The following HMCN1 variants were observed in gnomAD, a reference collection of about 807,000 sequenced individuals.
HMCN1 encodes the protein hemicentin-1.
In HMCN1, 321 loss-of-function variants were observed where a neutral mutation model predicts 625.9. The observed-to-expected ratio is 0.51, with a 90% CI of 0.47 to 0.56. HMCN1 has a LOEUF of 0.56. HMCN1 is among the 20% of genes least tolerant of loss of function. HMCN1 has a pLI of 0.00. For synonymous variants in HMCN1, 2,425 were observed against 2,417.6 expected (o/e 1.00, Z -0.09); for missense variants, 6,588 against 6,887.3 (o/e 0.96, Z 1.54).
intron 64 of HMCN1, among the ~76,000 whole-genome samples, chr1:186,091,938 G>A (rs369140760): frequency 6.6e-6 from 1 of 151,750 alleles, no homozygotes; most frequent in African/African-American, 2.4e-5. Flanking sequence ...TATTTCTCTG[G>A]TGTGAACATT....
intron 42 of HMCN1, among the ~76,000 whole-genome samples, chr1:186,051,901 G>A (rs766143457): frequency 5.3e-5 from 8 of 151,898 alleles, no homozygotes; most frequent in Non-Finnish European, 8.8e-5. Context: ...AGTTGTCAGA[G>A]GCCTAAACTT....
At chr1:186,028,798 C>A (rs1465138265) in intron 36 of HMCN1, among the ~76,000 whole-genome samples, 1 of 149,530 alleles carries the variant, frequency 6.7e-6, no homozygotes, top group Non-Finnish European at 1.5e-5. Flanking sequence ...GATCTTGGCT[C>A]ACTGCAACTT....
At chr1:186,016,333 T>A in intron 32 of HMCN1, 94 bp downstream of exon 32, 1 of 1,237,582 alleles carries the variant, frequency 8.1e-7, no homozygotes, top group South Asian at 1.4e-5. Flanking sequence ...AATAAAACAA[T>A]CTAAAAGAAG....
At chr1:185,908,711 T>A (rs1666240362) in intron 4 of HMCN1, among the ~76,000 whole-genome samples, 1 of 151,714 alleles carries the variant, frequency 6.6e-6, no homozygotes, top group Non-Finnish European at 1.5e-5. Flanking sequence ...ATTTTTCTAT[T>A]CTCTTTAATG....
intron 8 of HMCN1, 92 bp downstream of exon 8, chr1:185,923,745 T>A: frequency 9.3e-7 from 1 of 1,073,862 alleles, no homozygotes; most frequent in Non-Finnish European, 1.4e-6. Context: ...AAATAAAAAA[T>A]AATGTCTTCA....
intron 6 of HMCN1, among the ~76,000 whole-genome samples, chr1:185,914,156 TG>T (rs921800379): frequency 2.0e-5 from 3 of 152,164 alleles, no homozygotes; most frequent in Non-Finnish European, 2.9e-5. Flanking sequence ...AAACTTATTT[TG>T]CTTCTATATG....
chr1:185,788,939 A>G (rs1437996256), intron 1 of HMCN1, among the ~76,000 whole-genome samples: 1 of 152,198 alleles, frequency 6.6e-6, no homozygotes. Context: ...CATTTGACTA[A>G]CCCAAGGTTT....
chr1:185,798,292 C>T (rs894641620), intron 1 of HMCN1, among the ~76,000 whole-genome samples: 1 of 152,130 alleles, frequency 6.6e-6, no homozygotes, highest in Non-Finnish European at 1.5e-5. Context: ...GATAGAGTTT[C>T]CTTTATAGGC....
rs768790603 is a variant in HMCN1 at position 185,933,611 on chromosome 1, T to C, written c.1615T>C (p.Leu539=). The change falls in exon 11 of 107, where the codon TTA becomes CTA. Residue 539 remains leucine, a synonymous_variant. Transcript: ENST00000271588. ...VTVTPGERAV[L]TCLIISAVDY... is the part of the protein sequence containing the mutation. ...AGTCACTCCTGGAGAGAGAGCAGTT[T>C]TAACATGTCTCATCATCAGTGCGGT... The C allele has an allele frequency of 6.2e-7, 1 of 1,613,864 alleles. No individual in the cohort carries two copies. The highest frequency in any genetic ancestry group is 1.3e-5 in the African/African-American group (1 of 74,920).
In HMCN1 at chr1:185,865,967, A is replaced by G. The variant is rs951089737; in HGVS notation, c.621+104A>G. The stretch of plus-strand genomic sequence containing the variant: ...TTGATTTCAAAAACAATTTTAACCA[A>G]AAGGTATAACTCCAAGGCCACAGTT... On this transcript the variant is annotated intron_variant, in intron 4 of 106. Coordinates refer to ENST00000271588, the MANE Select transcript of HMCN1 (RefSeq NM_031935.3). The G allele has an allele frequency of 2.6e-6, 3 of 1,167,820 alleles. No individual in the cohort carries two copies. In the African/African-American group the frequency reaches 4.5e-5, roughly 18 times the overall value. The allele number at this position is 1,167,820 out of a possible 1,614,324, so 72.3% of individuals were successfully genotyped here. A position where few individuals can be genotyped will look rare whatever the true frequency, so the allele number is the denominator to read the frequency against.
intron 1 of HMCN1, among the ~76,000 whole-genome samples, chr1:185,766,389 A>G (rs1184191413): frequency 6.6e-6 from 1 of 152,128 alleles, no homozygotes; most frequent in Non-Finnish European, 1.5e-5. Context: ...AGGCCTACCC[A>G]TGGTAGGGAG....
At position 186,076,691 on chromosome 1, in the gene HMCN1, CGAATT is replaced by C. The variant is rs556785925; in HGVS notation, c.8485+76_8485+80del. 4,164 of 1,469,058 alleles carry C rather than the reference CGAATT, an allele frequency of 2.8e-3. 9 individuals are homozygous for C. Among genetic ancestry groups the C allele is most frequent in the Non-Finnish European group, 3.3e-3 (3,541 of 1,059,502 alleles). 91.0% of individuals were successfully genotyped at this position (1,469,058 alleles called of 1,614,324 possible). On this transcript the variant is annotated intron_variant, in intron 54 of 106. Transcript: ENST00000271588. ...AATGTGTTTCCTCTCATGTATTAGA[CGAATT>C]GAATTGGTTGGGTCTCTGGCTAAGT...
intron 1 of HMCN1, among the ~76,000 whole-genome samples, chr1:185,765,716 G>T (rs1407404490): frequency 1.3e-5 from 2 of 152,168 alleles, no homozygotes; most frequent in Non-Finnish European, 2.9e-5. Flanking sequence ...GTAGGGCAAT[G>T]GTTCTCAAAA....
chr1:186,047,521 A>G (rs1482890549), intron 41 of HMCN1, among the ~76,000 whole-genome samples: 1 of 152,146 alleles, frequency 6.6e-6, no homozygotes, highest in African/African-American at 2.4e-5. Flanking sequence ...CCATTCACAC[A>G]CATCTCTAAC....
In HMCN1 at chr1:186,041,145, T is replaced by G. The variant is rs1171019354; in HGVS notation, c.6304+9T>G. On this transcript the variant is annotated intron_variant, in intron 40 of 106. Coordinates refer to ENST00000271588, the MANE Select transcript of HMCN1 (RefSeq NM_031935.3). ...TGACCTCCGAGTATATGGTGAGACA[T>G]TTTAGTAATTAATTCTCTTCTGGTA... 6.2e-7 allele frequency: 1 copy of G among 1,610,264 alleles called. No homozygotes were observed. The highest frequency in any genetic ancestry group is 8.5e-7 in the Non-Finnish European group (1 of 1,177,008).
At chr1:185,844,336 CA>C (rs1313945603) in intron 1 of HMCN1, among the ~76,000 whole-genome samples, 1 of 152,150 alleles carries the variant, frequency 6.6e-6, no homozygotes, top group Non-Finnish European at 1.5e-5. Flanking sequence ...TTTCAAACTG[CA>C]AAGTGTCTAA....
chr1:185,975,887 GACAC>G (rs144472059), intron 15 of HMCN1, among the ~76,000 whole-genome samples: 50 of 149,410 alleles, frequency 3.3e-4, no homozygotes, highest in South Asian at 2.1e-4. Flanking sequence ...TTATGCACCA[GACAC>G]ACACACACAC....
Position 186,050,379 on chromosome 1 carries a change from A to G in HMCN1, c.6577+1540A>G, listed in dbSNP as rs144341017. On this transcript the variant is annotated intron_variant, in intron 42 of 106. Coordinates refer to ENST00000271588, the MANE Select transcript of HMCN1 (RefSeq NM_031935.3). ...CACTTGGAGAAGGTAAAAGGAATGT[A>G]TACAGAAGAGTACGCGATAGGATGG... is the stretch of plus-strand genomic sequence containing the variant. 1.9e-3 allele frequency among the ~76,000 whole-genome samples: 291 copies of G among 152,108 alleles called. 1 individual carries two copies. Among genetic ancestry groups the G allele is most frequent in the African/African-American group, 6.8e-3 (281 of 41,566 alleles).
intron 10 of HMCN1, among the ~76,000 whole-genome samples, chr1:185,930,907 T>TACACACACACACACACAC (rs3030426): frequency 8.6e-5 from 12 of 138,956 alleles, no homozygotes; most frequent in African/African-American, 3.1e-4. Flanking sequence ...TTTCACCCAA[T>TACACACACACACACACAC]ACACACACAC....
Sources: gnomAD v4.1 joint callset for allele counts (sites outside exome capture counted in the v4.1 genomes callset) on GRCh38, gnomAD v4.1.1 for gene constraint, MANE v1.5 for transcripts, NCBI Gene and HGNC (gene_info 2026-07-23, HGNC 2026-07-21) for gene names.